The following ARRDC5 variants were observed in gnomAD, a reference collection of about 807,000 sequenced individuals.
The protein encoded by ARRDC5 is arrestin domain containing 5, also known as arrestin domain-containing protein 5.
ARRDC5 carries 12 observed loss-of-function variants against 13.3 expected under a neutral mutation model. That is an observed-to-expected ratio of 0.90 (90% confidence interval 0.58 to 1.46). ARRDC5 has a LOEUF of 1.46. Ranked by LOEUF, ARRDC5 falls within the 40% of genes most tolerant of loss-of-function variation. The pLI is 0.00. For synonymous variants in ARRDC5, 181 were observed against 173.4 expected, an observed-to-expected ratio of 1.04 and a Z score of -0.34; for missense variants, 406 against 418.7, an observed-to-expected ratio of 0.97 and a Z score of 0.26.
chr19:4,913,873 G>A, the ARRDC5 span, among the ~76,000 whole-genome samples: 5 of 141,234 alleles, frequency 3.5e-5, no homozygotes, highest in African/African-American at 1.4e-4. Context: ...GTGCAATTGC[G>A]TGATCTCGGC....
rs978560431 is a variant in ARRDC5, at chr19:4,901,410, T to C, written c.253+1163A>G. On this transcript the variant is annotated intron_variant, in intron 1 of 2. Transcript: ENST00000650722. Reference sequence around the variant, plus strand: ...GTGGGCGAATCACGAGGTCAGGAGTTCGAGACCAGCCTGGCCAACGTGGTG... The same window carrying C: ...GTGGGCGAATCACGAGGTCAGGAGTCCGAGACCAGCCTGGCCAACGTGGTG... Among the ~76,000 whole-genome samples the C allele has an allele frequency of 1.3e-4, 19 of 151,972 alleles. 1 individual carries two copies. Among genetic ancestry groups the C allele is most frequent in the South Asian group, 6.2e-4 (3 of 4,818 alleles).
chr19:4,902,931 A>C (rs373823346), upstream of ARRDC5: 750 of 1,565,352 alleles, frequency 4.8e-4, 3 homozygotes, highest in African/African-American at 9.2e-3. Context: ...CACTCAGCTC[A>C]GAGTTCCGGG....
chr19:4,893,726 CAA>C (rs61307077), intron 2 of ARRDC5, among the ~76,000 whole-genome samples: 5,306 of 56,958 alleles, frequency 0.093, 142 homozygotes, highest in Middle Eastern at 0.19. Context: ...ACCCTGTCTC[CAA>C]AAAAAAAAAA....
chr19:4,911,121 C>T, the ARRDC5 span: 1 of 1,306,744 alleles, frequency 7.7e-7, no homozygotes, highest in Middle Eastern at 2.9e-4. Context: ...TTTCTCCCTC[C>T]CACCTCCCCC....
At chr19:4,916,567 G>A in the ARRDC5 span, among the ~76,000 whole-genome samples, 2 of 152,232 alleles carry the variant, frequency 1.3e-5, no homozygotes, top group African/African-American at 4.8e-5. Flanking sequence ...CGGCCGGGTC[G>A]AAGGGCAGAG....
rs753592663 is a variant in ARRDC5, at chr19:4,891,070, G to C, written c.963C>G (p.Pro321=). ...ICQLSEDGVL[P]VNPDHQN Reference sequence around the variant, plus strand: ...CTTAATTCTGGTGATCTGGGTTCACGGGTAACACTCCGTCCTCTGACAGCT... The same window carrying C: ...CTTAATTCTGGTGATCTGGGTTCACCGGTAACACTCCGTCCTCTGACAGCT... Residue 321 remains proline (P), a synonymous_variant, in exon 3 of 3, where the codon CCC becomes CCG. Transcript: ENST00000650722. 3 of 1,612,896 alleles carry C rather than the reference G, an allele frequency of 1.9e-6. No homozygotes were observed. In the African/African-American group the frequency reaches 4.0e-5, roughly 22 times the overall value.
rs920876533 is a variant in ARRDC5, at chr19:4,890,668, A to C, written c.*378T>G. 2 of 248,778 alleles carry C rather than the reference A, an allele frequency of 8.0e-6. No homozygotes were observed. Among genetic ancestry groups the C allele is most frequent in the African/African-American group, 4.5e-5 (2 of 44,470 alleles). The allele number at this position is 248,778 out of a possible 1,614,324, so 15.4% of individuals were successfully genotyped here. A position where few individuals can be genotyped will look rare whatever the true frequency, so the allele number is the denominator to read the frequency against. On this transcript the variant is annotated 3_prime_UTR_variant, in exon 3 of 3. Transcript: ENST00000650722. ...GGCCTCCACCCTCTCCACGCCAATA[A>C]GACTCTTCTCCCCCGATCCCCTGCA...
upstream of ARRDC5, among the ~76,000 whole-genome samples, chr19:4,907,847 G>C (rs2032100089): frequency 6.6e-6 from 1 of 151,586 alleles, no homozygotes; most frequent in Non-Finnish European, 1.5e-5. Flanking sequence ...CGAGTAGCTG[G>C]GATTACAGAC....
chr19:4,905,850 A>G (rs182589035), upstream of ARRDC5, among the ~76,000 whole-genome samples: 31 of 152,258 alleles, frequency 2.0e-4, no homozygotes, highest in East Asian at 5.8e-3. Flanking sequence ...GCCCAAGACA[A>G]TTCTTCTTCC....
chr19:4,899,652 G>A (rs1431230223), intron 1 of ARRDC5, among the ~76,000 whole-genome samples: 1 of 150,402 alleles, frequency 6.6e-6, no homozygotes. Context: ...ACTAGCGGCC[G>A]GGCGCGGTGG....
chr19:4,907,415 C>T (rs541764429), upstream of ARRDC5, among the ~76,000 whole-genome samples: 1 of 151,546 alleles, frequency 6.6e-6, no homozygotes, highest in South Asian at 2.1e-4. Flanking sequence ...ATTACAGGCG[C>T]CGGCCACCAC....
At chr19:4,895,872 G>A (rs932685014) in intron 2 of ARRDC5, among the ~76,000 whole-genome samples, 30 of 152,192 alleles carry the variant, frequency 2.0e-4, no homozygotes, top group Non-Finnish European at 3.4e-4. Flanking sequence ...GCTGAGCAGC[G>A]CCCCTGGCCT....
At chr19:4,898,576 G>T (rs1428939712) in intron 1 of ARRDC5, among the ~76,000 whole-genome samples, 1 of 151,900 alleles carries the variant, frequency 6.6e-6, no homozygotes, top group Non-Finnish European at 1.5e-5. Flanking sequence ...TGGCCAGGCT[G>T]GTCTCGAACT....
chr19:4,892,641 G>C (rs544633975), intron 2 of ARRDC5, among the ~76,000 whole-genome samples: 74 of 152,194 alleles, frequency 4.9e-4, no homozygotes, highest in African/African-American at 1.7e-3. Context: ...TTACAGGCAT[G>C]AGCCACTGTG....
At chr19:4,894,403 T>C (rs12982990) in intron 2 of ARRDC5, among the ~76,000 whole-genome samples, 43,802 of 142,544 alleles carry the variant, frequency 0.31, 7,480 homozygotes, top group Middle Eastern at 0.49. Flanking sequence ...CCCAGCTACT[T>C]GGGAGGCTGA....
In ARRDC5 at chr19:4,896,802, T is replaced by C; in HGVS notation, c.328A>G (p.Thr110Ala). ...TAGAAGACATGGCCAAATTTGCTGGTGAAGGTAGAAGGAAGCCTGGGAGGT... is the reference window on the plus strand; with the variant it reads ...TAGAAGACATGGCCAAATTTGCTGGCGAAGGTAGAAGGAAGCCTGGGAGGT... ...NLPPRLPSTFTSKFGHVFYFV... is the reference protein window; with the variant it reads ...NLPPRLPSTFASKFGHVFYFV... Residue 110 changes from threonine (T) to alanine (A), a missense_variant, in exon 2 of 3, where the codon ACC becomes GCC. Coordinates refer to ENST00000650722, the MANE Select transcript of ARRDC5 (RefSeq NM_001080523.3). 3 of 1,613,864 alleles carry C rather than the reference T, an allele frequency of 1.9e-6. No individual in the cohort carries two copies. Among genetic ancestry groups the C allele is most frequent in the Non-Finnish European group, 2.5e-6 (3 of 1,179,820 alleles).
upstream of ARRDC5, among the ~76,000 whole-genome samples, chr19:4,907,793 A>G (rs1222508820): frequency 8.0e-6 from 1 of 125,522 alleles, no homozygotes; most frequent in Non-Finnish European, 1.6e-5. Context: ...GCTCACCACA[A>G]CCTCTGCCTC....
chr19:4,908,223 C>G, the ARRDC5 span, among the ~76,000 whole-genome samples: 6 of 152,158 alleles, frequency 3.9e-5, no homozygotes, highest in African/African-American at 1.2e-4. Flanking sequence ...ATTCACAGAT[C>G]CTGGGGGCGA....
At chr19:4,909,586 C>G in the ARRDC5 span, 2 of 651,980 alleles carry the variant, frequency 3.1e-6, no homozygotes, top group Admixed American at 2.3e-5. Context: ...GGGCCACGCA[C>G]GCGGTTTCAT....
Sources: gnomAD v4.1 joint callset for allele counts (sites outside exome capture counted in the v4.1 genomes callset) on GRCh38, gnomAD v4.1.1 for gene constraint, MANE v1.5 for transcripts, NCBI Gene and HGNC (gene_info 2026-07-23, HGNC 2026-07-21) for gene names.